The following ATAD2B variants were observed in gnomAD, a reference collection of about 807,000 sequenced individuals.
ATAD2B encodes ATPase family AAA domain-containing protein 2B.
A neutral mutation model predicts 167.6 loss-of-function variants in ATAD2B; 40 were observed. The ratio of observed to expected loss-of-function variants is 0.24; its 90% CI spans 0.19 to 0.31. The LOEUF (loss-of-function observed/expected upper bound fraction) is 0.31. Among genes scored for constraint, ATAD2B ranks in the 10% least tolerant of loss-of-function variants. The pLI is 1.00. For synonymous variants in ATAD2B, 579 were observed against 596.5 expected, an observed-to-expected ratio of 0.97 and a Z score of 0.43; for missense variants, 1,242 against 1,757.2, an observed-to-expected ratio of 0.71 and a Z score of 5.24.
Position 23,921,271 on chromosome 2 carries a change from T to A in ATAD2B, c.216+5284A>T, listed in dbSNP as rs2150686152. 5.0e-5 allele frequency among the ~76,000 whole-genome samples: 6 copies of A among 119,298 alleles called. 1 individual carries two copies. The Admixed American group carries it at 5.3e-4, about 10-fold the overall frequency. 78.3% of individuals were successfully genotyped at this position (119,298 alleles called of 152,430 possible). A position where few individuals can be genotyped will look rare whatever the true frequency, so the allele number is the denominator to read the frequency against. On this transcript the variant is annotated intron_variant, in intron 1 of 27. Coordinates refer to ENST00000238789, the MANE Select transcript of ATAD2B (RefSeq NM_017552.4). ...CACTCAAGTTGATTATGCACACAAA[T>A]GAAACGGATAATGCACACAAATGAA... is the stretch of plus-strand genomic sequence containing the variant.
intron 19 of ATAD2B, among the ~76,000 whole-genome samples, chr2:23,797,358 C>G (rs560574664): frequency 6.6e-6 from 1 of 151,960 alleles, no homozygotes. Context: ...TTTTCTGAAT[C>G]AACTATGATT....
chr2:23,694,124 T>C, the ATAD2B span, among the ~76,000 whole-genome samples: 1 of 152,254 alleles, frequency 6.6e-6, no homozygotes, highest in Non-Finnish European at 1.5e-5. Flanking sequence ...GCTGAAACCC[T>C]TTCCTGAGCT....
chr2:23,872,696 G>T, intron 8 of ATAD2B: 1 of 1,284,664 alleles, frequency 7.8e-7, no homozygotes. Context: ...ACCATGCTTT[G>T]CAGCAGTTTC....
intron 24 of ATAD2B, among the ~76,000 whole-genome samples, chr2:23,761,840 G>A (rs898643092): frequency 5.9e-5 from 9 of 152,152 alleles, no homozygotes; most frequent in Admixed American, 4.6e-4. Context: ...ACATGCGGGA[G>A]TGTCCATTTC....
At chr2:23,824,038 T>G (rs1687873020) in intron 15 of ATAD2B, among the ~76,000 whole-genome samples, 1 of 152,120 alleles carries the variant, frequency 6.6e-6, no homozygotes, top group African/African-American at 2.4e-5. Flanking sequence ...AACCTCTACC[T>G]CCCAGCCTCA....
At chr2:23,807,931 TAATA>T (rs1383516227) in intron 18 of ATAD2B, among the ~76,000 whole-genome samples, 1 of 129,598 alleles carries the variant, frequency 7.7e-6, no homozygotes, top group Non-Finnish European at 1.6e-5. Context: ...AATATATTTA[TAATA>T]TATATAAATA....
intron 22 of ATAD2B, among the ~76,000 whole-genome samples, chr2:23,771,789 A>G (rs546630088): frequency 1.3e-5 from 2 of 152,194 alleles, no homozygotes; most frequent in Admixed American, 1.3e-4. Flanking sequence ...CTGGCCTCAG[A>G]TAGTTTTCTC....
intron 1 of ATAD2B, among the ~76,000 whole-genome samples, chr2:23,923,429 A>C (rs1234397396): frequency 6.6e-6 from 1 of 152,176 alleles, no homozygotes; most frequent in Non-Finnish European, 1.5e-5. Context: ...TACATCTAAG[A>C]ATACTGTATT....
the ATAD2B span, among the ~76,000 whole-genome samples, chr2:23,737,858 C>G: frequency 6.6e-6 from 1 of 152,092 alleles, no homozygotes; most frequent in Non-Finnish European, 1.5e-5. Flanking sequence ...CCTTAAAGGA[C>G]CTGATGGAGC....
the ATAD2B span, among the ~76,000 whole-genome samples, chr2:23,718,198 G>C: frequency 6.6e-6 from 1 of 152,080 alleles, no homozygotes; most frequent in Non-Finnish European, 1.5e-5. Flanking sequence ...TGACCCACAG[G>C]GTGGGTTTGC....
At chr2:23,856,473 CA>C (rs1226819948) in intron 13 of ATAD2B, 1 of 415,740 alleles carries the variant, frequency 2.4e-6, no homozygotes, top group Non-Finnish European at 4.9e-6. Context: ...AATCTCCCAT[CA>C]GATGGTAGAT....
chr2:23,729,095 G>A, the ATAD2B span, among the ~76,000 whole-genome samples: 13 of 152,140 alleles, frequency 8.5e-5, no homozygotes, highest in African/African-American at 1.2e-4. Context: ...GAACAGTGAG[G>A]GGGATGTCTG....
chr2:23,728,467 T>A, the ATAD2B span, among the ~76,000 whole-genome samples: 1 of 152,084 alleles, frequency 6.6e-6, no homozygotes, highest in Non-Finnish European at 1.5e-5. Flanking sequence ...TATGTTAATA[T>A]TTTACATACT....
At chr2:23,869,937 G>GA (rs1054548865) in intron 8 of ATAD2B, among the ~76,000 whole-genome samples, 176 bp from the exon 9 acceptor site, 10 of 150,286 alleles carry the variant, frequency 6.7e-5, no homozygotes, top group African/African-American at 1.5e-4. Context: ...CAGAGAAAAA[G>GA]AAAAAAAAAG....
chr2:23,757,692 T>A lies in ATAD2B; in HGVS notation c.3804A>T (p.Leu1268=). The A allele has an allele frequency of 3.1e-6, 5 of 1,612,912 alleles. No individual in the cohort carries two copies. The highest frequency in any genetic ancestry group is 4.2e-6 in the Non-Finnish European group (5 of 1,179,512). ...RKETFLKGNC[L]NGEASTDSFE... is the part of the protein sequence containing the mutation. ...AACTGTCAGTGGAAGCCTCACCATT[T>A]AGACAATTTCCTTTAAGGAAAGTCT... Residue 1268 remains leucine (L), a synonymous_variant, in exon 25 of 28, where the codon CTA becomes CTT. Coordinates refer to ENST00000238789, the MANE Select transcript of ATAD2B (RefSeq NM_017552.4).
intron 22 of ATAD2B, among the ~76,000 whole-genome samples, chr2:23,767,119 C>G (rs1677536627): frequency 6.6e-6 from 1 of 152,174 alleles, no homozygotes; most frequent in South Asian, 2.1e-4. Context: ...CGTAAAGCAA[C>G]CTTTTTCGAT....
chr2:23,679,880 G>A, the ATAD2B span, among the ~76,000 whole-genome samples: 1 of 152,262 alleles, frequency 6.6e-6, no homozygotes, highest in South Asian at 2.1e-4. Flanking sequence ...CCAGATGGAG[G>A]AAGGGGAGGG....
At chr2:23,828,777 T>G in intron 15 of ATAD2B, 72 bp downstream of exon 15, 2 of 965,676 alleles carry the variant, frequency 2.1e-6, no homozygotes, top group Non-Finnish European at 3.3e-6. Flanking sequence ...TCATTCACAT[T>G]CCAAATAAGG....
At chr2:23,838,399 T>C (rs1283311612) in intron 13 of ATAD2B, among the ~76,000 whole-genome samples, 3 of 152,068 alleles carry the variant, frequency 2.0e-5, no homozygotes, top group Non-Finnish European at 4.4e-5. Context: ...GTCTCAGACA[T>C]GGCCAGAAAC....
Sources: allele counts gnomAD v4.1 joint callset (sites outside exome capture counted in the v4.1 genomes callset), GRCh38; gene constraint gnomAD v4.1.1; transcripts MANE v1.5; gene names NCBI Gene and HGNC (gene_info 2026-07-23, HGNC 2026-07-21).